Variants in KIF20B observed in about 807,000 individuals in gnomAD.
KIF20B encodes the protein kinesin family member 20B, also known as kinesin-like protein KIF20B.
A neutral mutation model predicts 232.5 loss-of-function variants in KIF20B; 188 were observed. The observed-to-expected ratio is 0.81, with a 90% confidence interval of 0.72 to 0.91. The LOEUF (loss-of-function observed/expected upper bound fraction) is 0.91, where lower values mean the gene tolerates loss of function less well. Ranked by LOEUF, KIF20B falls within the 40% of genes least tolerant of loss-of-function variation. KIF20B has a pLI of 0.00. For missense variants in KIF20B, 2,154 were observed against 2,055.9 expected (o/e 1.05, Z -0.92); for synonymous variants, 712 against 683.0 (o/e 1.04, Z -0.66).
At position 89,729,210 on chromosome 10, in the gene KIF20B, A is replaced by G; in HGVS notation, c.2354A>G (p.Asn785Ser). 1 of 1,495,754 alleles carries G rather than the reference A, an allele frequency of 6.7e-7. No individual in the cohort carries two copies. Among genetic ancestry groups the G allele is most frequent in the Non-Finnish European group, 9.0e-7 (1 of 1,112,540 alleles). 92.7% of individuals were successfully genotyped at this position (1,495,754 alleles called of 1,614,324 possible). A position where few individuals can be genotyped will look rare whatever the true frequency, so the allele number is the denominator to read the frequency against. Residue 785 changes from asparagine (N) to serine (S), a missense_variant, in exon 18 of 33, where the codon AAC (asparagine) becomes AGC (serine). By Grantham distance (46) the Asn-to-Ser change is conservative (BLOSUM62 1). Transcript: ENST00000371728. ...QKEDTINEFQ[N>S]LKSHMENTFK... ...GAAGATACTATCAACGAATTTCAGA[A>G]CCTAAAGTCTCATATGGAAAACACA...
chr10:89,738,317 A>C lies in KIF20B; in HGVS notation c.3476A>C (p.Tyr1159Ser), dbSNP rs577918687. The C allele has an allele frequency of 4.0e-5, 64 of 1,612,192 alleles. No homozygotes were observed. In the Admixed American group the frequency reaches 1.0e-3, roughly 26 times the overall value. ...GAACTTACACAAGGTGTTACTTGCT[A>C]TAAGGCAAAAATAAAGGAACTTGAA... Reference protein sequence around the residue: ...LSELTQGVTCYKAKIKELETI... With the variant: ...LSELTQGVTCSKAKIKELETI... The change falls in exon 20 of 33, where the codon TAT becomes TCT. Residue 1159 changes from tyrosine (Y) to serine (S), a missense_variant. Physicochemically the swap from Tyr to Ser is moderately radical, Grantham distance 144. Transcript: ENST00000371728.
intron 22 of KIF20B, among the ~76,000 whole-genome samples, chr10:89,745,555 A>G (rs1476651715): frequency 1.3e-5 from 2 of 151,126 alleles, no homozygotes; most frequent in Non-Finnish European, 2.9e-5. Flanking sequence ...AAATAAATAA[A>G]GACATATAAA....
At chr10:89,715,212 C>T (rs773495016) in intron 8 of KIF20B, 30 bp downstream of exon 8, 1 of 1,353,958 alleles carries the variant, frequency 7.4e-7, no homozygotes, top group East Asian at 2.3e-5. Flanking sequence ...TATCTTATTG[C>T]TCTGAAGTTC....
chr10:89,721,695 C>A (rs1306933917), intron 13 of KIF20B, among the ~76,000 whole-genome samples: 2 of 150,826 alleles, frequency 1.3e-5, no homozygotes, highest in Non-Finnish European at 2.9e-5. Context: ...AACCAAAAAA[C>A]CCAGTTTTTT....
At chr10:89,714,816 C>A in intron 7 of KIF20B, 139 bp from the exon 8 acceptor site, 1 of 590,190 alleles carries the variant, frequency 1.7e-6, no homozygotes. Flanking sequence ...TTCCTTTGTT[C>A]CAAAAAGTTT....
chr10:89,728,947 G>GTGTGTA (rs1448468845), intron 17 of KIF20B, among the ~76,000 whole-genome samples, 181 bp from the exon 18 acceptor site: 11 of 73,536 alleles, frequency 1.5e-4, no homozygotes, highest in African/African-American at 2.3e-4. Flanking sequence ...GTGTGTGTGT[G>GTGTGTA]TATGTAATTT....
Position 89,738,226 on chromosome 10 carries a change from C to T in KIF20B, c.3385C>T (p.Gln1129Ter), listed in dbSNP as rs998507213. 6.9e-6 allele frequency: 11 copies of T among 1,599,022 alleles called. No homozygotes were observed. Among genetic ancestry groups the T allele is most frequent in the Non-Finnish European group, 9.3e-6 (11 of 1,176,708 alleles). Residue 1129 changes from glutamine to a stop codon, truncating the protein, a stop_gained, in exon 20 of 33, where the codon CAA becomes TAA. Transcript: ENST00000371728. LOFTEE classifies it high-confidence loss of function. ...TATACAGCAGCTGAAAGAAGAATTG[C>T]AAGAAAAAAATGTTACTCTTGATGT... ...TLIQQLKEELQEKNVTLDVQI... is the reference protein window; with the variant it reads ...TLIQQLKEEL
chr10:89,765,633 A>G (rs544259861), intron 29 of KIF20B, among the ~76,000 whole-genome samples: 4 of 152,254 alleles, frequency 2.6e-5, no homozygotes, highest in African/African-American at 9.6e-5. Flanking sequence ...TGACTTAACT[A>G]TACTACAAGG....
At chr10:89,709,506 C>T in intron 4 of KIF20B, 45 bp downstream of exon 4, 2 of 1,288,606 alleles carry the variant, frequency 1.6e-6, no homozygotes, top group Admixed American at 1.8e-5. Context: ...GATAAAGAGA[C>T]TTGGCTTAGG....
At chr10:89,761,236 A>G (rs2133166066) in intron 28 of KIF20B, among the ~76,000 whole-genome samples, 1 of 152,308 alleles carries the variant, frequency 6.6e-6, no homozygotes, top group African/African-American at 2.4e-5. Context: ...TCAATAAGAC[A>G]TGATTGTCAT....
At chr10:89,757,040 G>GTGTGTGTGTATATATATATA (rs1301847520) in intron 26 of KIF20B, among the ~76,000 whole-genome samples, 5 of 110,742 alleles carry the variant, frequency 4.5e-5, no homozygotes, top group South Asian at 3.1e-4. Flanking sequence ...GTGTGTGTGT[G>GTGTGTGTGTATATATATATA]TATATATATA....
At chr10:89,744,205 G>A (rs544540957) in intron 22 of KIF20B, among the ~76,000 whole-genome samples, 1 of 152,128 alleles carries the variant, frequency 6.6e-6, no homozygotes, top group South Asian at 2.1e-4. Flanking sequence ...AAGTGTTTAA[G>A]AATAACATTA....
chr10:89,748,375 C>T (rs1175362291), intron 23 of KIF20B, among the ~76,000 whole-genome samples: 1 of 152,204 alleles, frequency 6.6e-6, no homozygotes, highest in Non-Finnish European at 1.5e-5. Context: ...CTCTCCTCCT[C>T]ATTACCCCTT....
At chr10:89,733,322 A>T (rs200649523) in intron 19 of KIF20B, among the ~76,000 whole-genome samples, 1 of 74,380 alleles carries the variant, frequency 1.3e-5, no homozygotes, top group Non-Finnish European at 2.5e-5. Context: ...TATAATAGTT[A>T]AAACTCATTA....
chr10:89,709,553 A>AT (rs1842795562), intron 4 of KIF20B, 92 bp downstream of exon 4: 1 of 783,938 alleles, frequency 1.3e-6, no homozygotes, highest in African/African-American at 1.7e-5. Flanking sequence ...TGAACTATAC[A>AT]TTTTATGCTT....
At chr10:89,737,294 A>C in intron 19 of KIF20B, 93 bp from the exon 20 acceptor site, 1 of 1,225,334 alleles carries the variant, frequency 8.2e-7, no homozygotes, top group South Asian at 3.2e-5. Flanking sequence ...GTTTACTTTT[A>C]CATGTTTTGT....
intron 18 of KIF20B, among the ~76,000 whole-genome samples, chr10:89,730,504 A>G (rs1843295042): frequency 6.6e-6 from 1 of 152,134 alleles, no homozygotes; most frequent in African/African-American, 2.4e-5. Context: ...CTTTGTGGAG[A>G]TGAAAATGAT....
chr10:89,715,218 A>C, intron 8 of KIF20B, 36 bp downstream of exon 8: 1 of 1,352,894 alleles, frequency 7.4e-7, no homozygotes, highest in Non-Finnish European at 1.0e-6. Context: ...ATTGCTCTGA[A>C]GTTCTCTTCC....
intron 1 of KIF20B, among the ~76,000 whole-genome samples, chr10:89,702,630 C>A (rs1212568393): frequency 1.3e-5 from 2 of 152,088 alleles, no homozygotes; most frequent in African/African-American, 4.8e-5. Context: ...CCAAAGTCTC[C>A]AATTGTGGAT....
Sources: allele counts gnomAD v4.1 joint callset (sites outside exome capture counted in the v4.1 genomes callset), GRCh38; gene constraint gnomAD v4.1.1; transcripts MANE v1.5; gene names NCBI Gene and HGNC (gene_info 2026-07-23, HGNC 2026-07-21).